The following SEZ6L2 variants were observed in gnomAD, a reference collection of about 807,000 sequenced individuals.
The protein encoded by SEZ6L2 is seizure 6-like protein 2.
Under a neutral mutation model 97.0 loss-of-function variants are expected in SEZ6L2, and 44 were observed. The observed-to-expected ratio is 0.45, with a 90% CI of 0.36 to 0.58. The LOEUF (loss-of-function observed/expected upper bound fraction) is 0.58, where lower values mean the gene tolerates loss of function less well. Ranked by LOEUF, SEZ6L2 falls within the 20% of genes least tolerant of loss-of-function variation. The pLI is 0.00. For missense variants in SEZ6L2, 1,086 were observed against 1,233.3 expected (o/e 0.88, Z 1.79); for synonymous variants, 543 against 546.1 (o/e 0.99, Z 0.08).
intron 7 of SEZ6L2, among the ~76,000 whole-genome samples, chr16:29,886,792 G>A (rs1262616000): frequency 6.6e-6 from 1 of 152,110 alleles, no homozygotes; most frequent in Non-Finnish European, 1.5e-5. Context: ...AACCTGAAGA[G>A]GGAAGTATTG....
In SEZ6L2 at chr16:29,872,759, G is replaced by T. The variant is rs770337788; in HGVS notation, c.2489-16C>A. On this transcript the variant is annotated splice_polypyrimidine_tract_variant and intron_variant, in intron 14 of 17. Transcript: ENST00000617533. ...TCATAGGCAACTGCAGGGAGAGGAGGGGGAGGGGATGGGGTCTGAGCCAGG... is the reference window on the plus strand; with the variant it reads ...TCATAGGCAACTGCAGGGAGAGGAGTGGGAGGGGATGGGGTCTGAGCCAGG... 5 of 1,609,156 alleles carry T rather than the reference G, an allele frequency of 3.1e-6. No homozygotes were observed. In the African/African-American group the frequency reaches 4.0e-5, roughly 13 times the overall value.
chr16:29,888,466 G>A, intron 6 of SEZ6L2, 74 bp downstream of exon 6: 3 of 1,501,010 alleles, frequency 2.0e-6, no homozygotes, highest in South Asian at 2.5e-5. Context: ...TGGACACCTG[G>A]ACACCCCCGA....
At chr16:29,888,803 C>T (rs1018736961) in intron 5 of SEZ6L2, 78 bp from the exon 6 acceptor site, 2 of 1,336,128 alleles carry the variant, frequency 1.5e-6, no homozygotes, top group Non-Finnish European at 2.0e-6. Context: ...GCACTTCCCC[C>T]CTCTCCTTTC....
intron 16 of SEZ6L2, 23 bp from the exon 17 acceptor site, chr16:29,872,306 G>T (rs375025260): frequency 1.2e-6 from 2 of 1,605,976 alleles, no homozygotes; most frequent in Non-Finnish European, 1.7e-6. Flanking sequence ...GAGGACAGAG[G>T]AGCTTATCAA....
At position 29,871,721 on chromosome 16, in the gene SEZ6L2, C is replaced by G; in HGVS notation, c.2750G>C (p.Arg917Pro). 1 of 1,608,680 alleles carries G rather than the reference C, an allele frequency of 6.2e-7. No individual in the cohort carries two copies. The highest frequency in any genetic ancestry group is 8.5e-7 in the Non-Finnish European group (1 of 1,177,504). ...GGTTCAGATGGAAACTTCATACTCC[C>G]GCGTATCCTGAAGACAGAGAGATCA... ...SNPLYEAGDT[R>P]EYEVSI The change falls in exon 18 of 18, where the codon CGG (arginine) becomes CCG (proline). Residue 917 changes from arginine (R) to proline (P), a missense_variant. Physicochemically the swap from Arg to Pro is moderately radical, Grantham distance 103. Transcript: ENST00000617533.
rs1440110007 is a variant in SEZ6L2, at chr16:29,885,622, G to A, written c.1336C>T (p.Pro446Ser). The A allele has an allele frequency of 6.2e-7, 1 of 1,614,086 alleles. No individual in the cohort carries two copies. Among genetic ancestry groups the A allele is most frequent in the Non-Finnish European group, 8.5e-7 (1 of 1,179,976 alleles). The change falls in exon 8 of 18, where the codon CCT becomes TCT. Residue 446 changes from proline (P) to serine (S), a missense_variant. Around this residue, in one of 2 missense-constraint regions of SEZ6L2, gnomAD observed 776 missense variants for 794.7 expected, o/e 0.98. Transcript: ENST00000617533. ...SLYVELLSETPANPLLLSLRF... is the reference protein window; with the variant it reads ...SLYVELLSETSANPLLLSLRF... ...AGGCTTAACAGCAGGGGATTGGCAG[G>A]TGTCTCTGACAGCAGCTCCACGTAG...
At chr16:29,882,746 C>G (rs970137611) in intron 8 of SEZ6L2, among the ~76,000 whole-genome samples, 1 of 152,044 alleles carries the variant, frequency 6.6e-6, no homozygotes. Flanking sequence ...CACCACCACA[C>G]CTGGCTAATT....
At chr16:29,874,564 T>TTTTTTTTG (rs2067862373) in intron 12 of SEZ6L2, among the ~76,000 whole-genome samples, 1 of 92,170 alleles carries the variant, frequency 1.1e-5, no homozygotes, top group Admixed American at 1.1e-4. Context: ...TTTTTTTTTT[T>TTTTTTTTG]TTTTTTTTTT....
At chr16:29,888,933 C>A (rs570771136) in intron 5 of SEZ6L2, among the ~76,000 whole-genome samples, 2 of 152,080 alleles carry the variant, frequency 1.3e-5, no homozygotes, top group African/African-American at 4.8e-5. Flanking sequence ...TTATCTCCCC[C>A]ACTCATTGTA....
intron 2 of SEZ6L2, among the ~76,000 whole-genome samples, chr16:29,897,476 T>A (rs1181617576): frequency 1.3e-5 from 2 of 151,942 alleles, no homozygotes; most frequent in Non-Finnish European, 2.9e-5. Flanking sequence ...ATTTCCCCAT[T>A]TCCCTGTTTA....
chr16:29,877,204 C>T, intron 11 of SEZ6L2, 67 bp downstream of exon 11: 1 of 1,451,930 alleles, frequency 6.9e-7, no homozygotes. Context: ...GCCACCACGA[C>T]CGGCCACCTC....
rs1390105436 is a variant in SEZ6L2 at position 29,880,760 on chromosome 16, G to GT, written c.1373-697dup. ...ACATGAGTCACTGCGCCCAGCCTGG[G>GT]TTTTTTTTTAATTTTTTTAGAGACA... On this transcript the variant is annotated intron_variant, in intron 8 of 17. Transcript: ENST00000617533. Among the ~76,000 whole-genome samples, 316 of 149,644 alleles carry GT rather than the reference G, an allele frequency of 2.1e-3. 2 individuals carry two copies. Among genetic ancestry groups the GT allele is most frequent in the African/African-American group, 7.5e-3 (304 of 40,692 alleles).
chr16:29,880,863 G>A (rs113443718), intron 8 of SEZ6L2, among the ~76,000 whole-genome samples: 32,638 of 151,748 alleles, frequency 0.22, 4,265 homozygotes, highest in Non-Finnish European at 0.3. Context: ...CTAGGCTCAA[G>A]TGATCCTCCC....
rs1385642215 is a variant in SEZ6L2 at position 29,888,550 on chromosome 16, G to A, written c.1029C>T (p.Pro343=). The change falls in exon 6 of 18, where the codon CCC becomes CCT. Residue 343 remains proline, a synonymous_variant. Coordinates refer to ENST00000617533, the MANE Select transcript of SEZ6L2 (RefSeq NM_001243332.2). The part of the protein sequence containing the change: ...GTRPSWNGET[P]SCMASCGGTI... ...TGGCAGGAGACTCACCCATGCAGCT[G>A]GGGGTTTCACCGTTCCAGGATGGCC... is the stretch of plus-strand genomic sequence containing the variant. 1 of 1,613,620 alleles carries A rather than the reference G, an allele frequency of 6.2e-7. No homozygotes were observed. Among genetic ancestry groups the A allele is most frequent in the Admixed American group, 1.7e-5 (1 of 59,978 alleles).
At chr16:29,877,496 C>T (rs1164780467) in intron 10 of SEZ6L2, 29 bp from the exon 11 acceptor site, 32 of 1,549,786 alleles carry the variant, frequency 2.1e-5, no homozygotes, top group Non-Finnish European at 2.7e-5. Flanking sequence ...GGCAATGGGG[C>T]GGGGCTGCGA....
At position 29,873,661 on chromosome 16, in the gene SEZ6L2, C is replaced by T. The variant is rs146085461; in HGVS notation, c.2173G>A (p.Val725Ile). ...CAGCGGTACTGGACGTGGGAGCCAA[C>T]GGGGAAGCCGGCGTCCGAGGCGGTG... ...HRTASDAGFPVGSHVQYRCLP... is the reference protein window; with the variant it reads ...HRTASDAGFPIGSHVQYRCLP... Residue 725 changes from valine (V) to isoleucine (I), a missense_variant, in exon 13 of 18, where the codon GTT (valine) becomes ATT (isoleucine). By Grantham distance (29) the Val-to-Ile change is conservative. Around this residue, in one of 2 missense-constraint regions of SEZ6L2, gnomAD observed 310 missense variants for 438.6 expected, o/e 0.71. Transcript: ENST00000617533. The surrounding 1 kb of genome is among the most constrained non-coding windows in gnomAD (Gnocchi z 4.3). 12 of 1,613,284 alleles carry T rather than the reference C, an allele frequency of 7.4e-6. No individual in the cohort carries two copies. The highest frequency in any genetic ancestry group is 4.5e-5 in the East Asian group (2 of 44,892).
Position 29,895,414 on chromosome 16 carries a change from GC to G in SEZ6L2, c.697del (p.Ala233LeufsTer56). ...GGCCAGGCCTGGGGATCCCCCACCA[GC>G]CAGCACCAGGAGCTCCTCTTCCTGT... Reference protein sequence around the residue: ...LSQEEELLVLAGGGSPGLAPR... With the variant: ...LSQEEELLVLXGGGSPGLAPR... On this transcript the variant is annotated frameshift_variant, in exon 5 of 18. Coordinates refer to ENST00000617533, the MANE Select transcript of SEZ6L2 (RefSeq NM_001243332.2). LOFTEE classifies it high-confidence loss of function. 1.2e-6 allele frequency: 2 copies of G among 1,614,114 alleles called. No individual in the cohort carries two copies. Among genetic ancestry groups the G allele is most frequent in the South Asian group, 2.2e-5 (2 of 91,086 alleles).
intron 6 of SEZ6L2, among the ~76,000 whole-genome samples, 188 bp from the exon 7 acceptor site, chr16:29,888,005 C>T (rs1481854934): frequency 6.6e-6 from 1 of 152,188 alleles, no homozygotes; most frequent in Non-Finnish European, 1.5e-5. Flanking sequence ...GGAAAGAAAC[C>T]AGCCCCGGTA....
At chr16:29,880,169 C>CT (rs71373211) in intron 8 of SEZ6L2, 105 bp from the exon 9 acceptor site, 47,664 of 767,354 alleles carry the variant, frequency 0.062, no homozygotes, top group East Asian at 0.081. Context: ...ACTCACTGGG[C>CT]TTTTTTTTTT....
Sources: gnomAD v4.1 joint callset for allele counts (sites outside exome capture counted in the v4.1 genomes callset) on GRCh38, gnomAD v4.1.1 for gene constraint, gnomAD v4.1.1 regional missense constraint, Gnocchi (gnomAD v3.1) non-coding constraint, MANE v1.5 for transcripts, NCBI Gene and HGNC (gene_info 2026-07-23, HGNC 2026-07-21) for gene names.